CHLSN: variants seen among roughly 807,000 people sequenced by gnomAD.
The protein encoded by CHLSN is cholesin.
At chr7:1,127,745 G>A in the CHLSN span, among the ~76,000 whole-genome samples, 42 of 52,070 alleles carry the variant, frequency 8.1e-4, no homozygotes, top group African/African-American at 3.6e-3. Context: ...GTGCAGTGGC[G>A]CGATCTCAGC....
At chr7:1,076,616 T>C in the CHLSN span, among the ~76,000 whole-genome samples, 2 of 152,382 alleles carry the variant, frequency 1.3e-5, no homozygotes, top group South Asian at 4.1e-4. Context: ...GTCTATGCTT[T>C]CAGTTTCCAA....
chr7:1,010,089 CCTCTGGGGACAGCTCTGG>C, the CHLSN span: 2 of 1,612,936 alleles, frequency 1.2e-6, no homozygotes, highest in Non-Finnish European at 8.5e-7. Flanking sequence ...ACCCTCTGCT[CCTCTGGGGACAGCTCTGG>C]CTCTGCGTCC....
the CHLSN span, among the ~76,000 whole-genome samples, chr7:1,083,568 C>A: frequency 6.6e-6 from 1 of 151,494 alleles, no homozygotes; most frequent in Admixed American, 6.6e-5. Context: ...GTGGAGCTTG[C>A]AGTGAGTGGA....
At chr7:1,084,027 A>AAGAC in the CHLSN span, among the ~76,000 whole-genome samples, 2 of 152,366 alleles carry the variant, frequency 1.3e-5, no homozygotes, top group East Asian at 3.9e-4. Flanking sequence ...GAACAGATGG[A>AAGAC]AGACATGGCA....
the CHLSN span, among the ~76,000 whole-genome samples, chr7:1,082,532 C>A: frequency 6.6e-6 from 1 of 152,230 alleles, no homozygotes; most frequent in Non-Finnish European, 1.5e-5. Flanking sequence ...GACGGGCTCA[C>A]AGGAGGAGGG....
chr7:1,016,502 AGCACAGCAGC>A, the CHLSN span, among the ~76,000 whole-genome samples: 176 of 118,388 alleles, frequency 1.5e-3, no homozygotes, highest in Non-Finnish European at 2.4e-3. Context: ...AGCGCACAGC[AGCACAGCAGC>A]GCACAGCAGC....
the CHLSN span, among the ~76,000 whole-genome samples, chr7:1,122,625 C>A: frequency 1.3e-5 from 2 of 152,216 alleles, no homozygotes; most frequent in East Asian, 3.9e-4. Context: ...GCAGGCCTGG[C>A]TCAGCCGGGG....
the CHLSN span, chr7:1,058,047 T>C: frequency 3.1e-5 from 24 of 768,386 alleles, no homozygotes; most frequent in South Asian, 8.0e-5. Context: ...CGCGCTAGAG[T>C]GCGCCAAGAT....
At chr7:979,465 G>T in the CHLSN span, among the ~76,000 whole-genome samples, 1 of 152,100 alleles carries the variant, frequency 6.6e-6, no homozygotes, top group Non-Finnish European at 1.5e-5. Flanking sequence ...AAAACGCAGT[G>T]ATTTGGCCGG....
the CHLSN span, among the ~76,000 whole-genome samples, chr7:1,039,916 G>C: frequency 1.3e-5 from 1 of 78,754 alleles, no homozygotes; most frequent in Non-Finnish European, 2.6e-5. Context: ...GTCCACTCAG[G>C]GTTAAATGGA....
chr7:1,097,977 G>A, the CHLSN span, among the ~76,000 whole-genome samples: 8 of 152,310 alleles, frequency 5.3e-5, no homozygotes, highest in East Asian at 9.6e-4. This position sits in a 1 kb window ranked among gnomAD's most constrained non-coding sequence, Gnocchi z 4.3. Flanking sequence ...GTAACAATTC[G>A]ACACAACAGG....
chr7:1,077,740 CCTGT>C, the CHLSN span: 1 of 152,266 alleles, frequency 6.6e-6, no homozygotes, highest in Non-Finnish European at 1.5e-5. Context: ...AGACCAGATT[CCTGT>C]CTTCTTTACA....
chr7:996,502 G>A, the CHLSN span, among the ~76,000 whole-genome samples: 8 of 152,302 alleles, frequency 5.3e-5, no homozygotes, highest in South Asian at 2.1e-4. Context: ...GGCAGGAGGC[G>A]GCCCCGGGGC....
chr7:1,049,069 C>T, the CHLSN span, among the ~76,000 whole-genome samples: 36 of 152,350 alleles, frequency 2.4e-4, no homozygotes, highest in Middle Eastern at 3.4e-3. Flanking sequence ...CCCAGGCCTC[C>T]GCGGTCTGAC....
chr7:1,024,100 T>C, the CHLSN span, among the ~76,000 whole-genome samples: 16 of 152,298 alleles, frequency 1.1e-4, no homozygotes, highest in East Asian at 2.9e-3. Flanking sequence ...GTGCTGGGAT[T>C]ATAGGCATGA....
chr7:997,415 G>T, the CHLSN span: 1 of 515,360 alleles, frequency 1.9e-6, no homozygotes, highest in Non-Finnish European at 3.4e-6. Flanking sequence ...TGTCACAGCC[G>T]TCACCGGCCA....
At chr7:1,033,279 C>T in the CHLSN span, among the ~76,000 whole-genome samples, 10 of 152,174 alleles carry the variant, frequency 6.6e-5, no homozygotes, top group East Asian at 1.9e-4. Flanking sequence ...TCCATTGGGC[C>T]GGGCGCAGTG....
chr7:990,979 T>C, the CHLSN span, among the ~76,000 whole-genome samples: 1 of 151,634 alleles, frequency 6.6e-6, no homozygotes, highest in Non-Finnish European at 1.5e-5. Context: ...AGGGGACCCT[T>C]GTGCCCCCAA....
chr7:1,017,887 G>A, the CHLSN span, among the ~76,000 whole-genome samples: 4 of 152,326 alleles, frequency 2.6e-5, no homozygotes, highest in East Asian at 1.9e-4. Flanking sequence ...ATGGCGCCTC[G>A]CCTTTCCCAT....
Sources: gnomAD v4.1 joint callset for allele counts (sites outside exome capture counted in the v4.1 genomes callset) on GRCh38, gnomAD v4.1.1 for gene constraint, Gnocchi (gnomAD v3.1) non-coding constraint, MANE v1.5 for transcripts, NCBI Gene and HGNC (gene_info 2026-07-23, HGNC 2026-07-21) for gene names.